WDHD1: variants seen among roughly 807,000 people sequenced by gnomAD.
The protein encoded by WDHD1 is WD repeat and HMG-box DNA-binding protein 1.
A neutral mutation model predicts 135.4 loss-of-function variants in WDHD1; 111 were observed. The observed-to-expected ratio is 0.82, with a 90% confidence interval of 0.70 to 0.96. The LOEUF (loss-of-function observed/expected upper bound fraction) is 0.96. Ranked by LOEUF, WDHD1 falls within the 40% of genes least tolerant of loss-of-function variation. The pLI, the probability that WDHD1 is intolerant of heterozygous loss-of-function variation, is 0.00. For synonymous variants in WDHD1, 434 were observed against 439.0 expected, an observed-to-expected ratio of 0.99 and a Z score of 0.14; for missense variants, 1,351 against 1,336.3, an observed-to-expected ratio of 1.01 and a Z score of -0.17.
chr14:55,015,977 G>T (rs958573099), intron 2 of WDHD1, among the ~76,000 whole-genome samples: 2 of 152,220 alleles, frequency 1.3e-5, no homozygotes, highest in Admixed American at 6.5e-5. Flanking sequence ...GGGATTATAG[G>T]CATGAGCCAC....
chr14:55,026,365 G>A (rs898913344), intron 2 of WDHD1, among the ~76,000 whole-genome samples: 1 of 152,182 alleles, frequency 6.6e-6, no homozygotes, highest in African/African-American at 2.4e-5. Context: ...CTAAAGGCAT[G>A]GAAGGATATC....
At chr14:54,960,053 C>G (rs1595068045) in intron 21 of WDHD1, among the ~76,000 whole-genome samples, 1 of 152,170 alleles carries the variant, frequency 6.6e-6, no homozygotes, top group South Asian at 2.1e-4. Context: ...CTCCTACACT[C>G]TCTTCATCAT....
intron 7 of WDHD1, among the ~76,000 whole-genome samples, 189 bp downstream of exon 7, chr14:55,007,091 G>C (rs1443910580): frequency 2.6e-5 from 4 of 152,068 alleles, no homozygotes; most frequent in Non-Finnish European, 1.5e-5. Flanking sequence ...AGCTGGGCAT[G>C]GCAGTGTGCA....
intron 2 of WDHD1, among the ~76,000 whole-genome samples, chr14:55,016,418 G>A (rs546779380): frequency 2.6e-5 from 4 of 152,212 alleles, no homozygotes; most frequent in Admixed American, 1.3e-4. Context: ...TTTACCACGG[G>A]GCTACAGTCA....
At chr14:54,978,611 T>C (rs1229156750) in intron 16 of WDHD1, among the ~76,000 whole-genome samples, 1 of 151,834 alleles carries the variant, frequency 6.6e-6, no homozygotes, top group African/African-American at 2.4e-5. Context: ...TTAATGAATA[T>C]ACTTCTTCTG....
chr14:54,949,520 G>A (rs547359479), intron 24 of WDHD1, among the ~76,000 whole-genome samples: 23 of 152,280 alleles, frequency 1.5e-4, no homozygotes, highest in Admixed American at 1.0e-3. Flanking sequence ...CCAAATCTAC[G>A]TTTGTTTGGT....
intron 18 of WDHD1, among the ~76,000 whole-genome samples, chr14:54,966,228 C>A (rs2041340464): frequency 6.7e-6 from 1 of 148,562 alleles, no homozygotes. Context: ...ATCCTAGCTA[C>A]TCGGGAGGCT....
intron 10 of WDHD1, 129 bp downstream of exon 10, chr14:55,000,374 C>T: frequency 1.1e-6 from 1 of 943,938 alleles, no homozygotes; most frequent in African/African-American, 1.7e-5. Flanking sequence ...CTATAGATTA[C>T]TACTCAGCAT....
At chr14:54,984,124 T>C (rs1366545751) in intron 15 of WDHD1, among the ~76,000 whole-genome samples, 3 of 152,238 alleles carry the variant, frequency 2.0e-5, no homozygotes. Context: ...TATTGATTTG[T>C]ATCACCTCCT....
At position 54,941,684 on chromosome 14, in the gene WDHD1, C is replaced by G. The variant is rs1402383805; in HGVS notation, c.3196G>C (p.Ala1066Pro). The part of the protein sequence containing the change: ...VLSTEERKVW[A>P]NKAKGETASE... ...GCCGTTTCTCCTTTGGCTTTGTTAG[C>G]CCACACCTTTGTAAAATGGCAGGAG... Residue 1066 changes from alanine to proline, a missense_variant, in exon 26 of 26, where the codon GCT becomes CCT. Coordinates refer to ENST00000360586, the MANE Select transcript of WDHD1 (RefSeq NM_007086.4). 1.2e-6 allele frequency: 2 copies of G among 1,608,708 alleles called. No homozygotes were observed. The highest frequency in any genetic ancestry group is 2.2e-5 in the East Asian group (1 of 44,810).
chr14:54,987,065 C>T (rs1290121762), intron 14 of WDHD1, 81 bp downstream of exon 14: 1 of 1,532,726 alleles, frequency 6.5e-7, no homozygotes, highest in South Asian at 1.2e-5. Flanking sequence ...TAATCCAAGA[C>T]AAAAAGAGTA....
chr14:55,025,357 C>T (rs1157921841), intron 2 of WDHD1, among the ~76,000 whole-genome samples: 1 of 151,328 alleles, frequency 6.6e-6, no homozygotes, highest in Non-Finnish European at 1.5e-5. Context: ...CAGAGGCTGG[C>T]GGGATCCTCC....
At chr14:54,982,799 T>G (rs2041639112) in intron 15 of WDHD1, among the ~76,000 whole-genome samples, 1 of 152,152 alleles carries the variant, frequency 6.6e-6, no homozygotes, top group South Asian at 2.1e-4. Flanking sequence ...GCAATGTAAA[T>G]GAAGAACATG....
chr14:54,948,019 C>T (rs556617396), intron 24 of WDHD1, among the ~76,000 whole-genome samples: 16 of 151,808 alleles, frequency 1.1e-4, no homozygotes, highest in African/African-American at 3.6e-4. Context: ...AGTTTGAGAC[C>T]AGCCTGACCA....
Position 55,027,055 on chromosome 14 carries a change from G to A in WDHD1, c.-44C>T. On this transcript the variant is annotated 5_prime_UTR_variant, in exon 1 of 26. Transcript: ENST00000360586. ...GGGTGACCGAGCCTCCGCCACTGAG[G>A]ATCCACAAGAGCTGCTTCCCGCGCT... 1 of 463,622 alleles carries A rather than the reference G, an allele frequency of 2.2e-6. No individual in the cohort carries two copies. Among genetic ancestry groups the A allele is most frequent in the South Asian group, 2.4e-5 (1 of 40,842 alleles). The allele number at this position is 463,622 out of a possible 1,614,324, so 28.7% of individuals were successfully genotyped here.
At chr14:54,985,798 C>T (rs2041686178) in intron 14 of WDHD1, among the ~76,000 whole-genome samples, 1 of 152,086 alleles carries the variant, frequency 6.6e-6, no homozygotes, top group African/African-American at 2.4e-5. Flanking sequence ...ATAGAATTGA[C>T]ATGATGATAT....
chr14:55,017,439 T>G (rs2042279385), intron 2 of WDHD1, among the ~76,000 whole-genome samples: 1 of 151,612 alleles, frequency 6.6e-6, no homozygotes, highest in Non-Finnish European at 1.5e-5. Flanking sequence ...ACTTCCCAGG[T>G]TCAAGTGATT....
chr14:55,026,002 C>T (rs573613596), intron 2 of WDHD1, among the ~76,000 whole-genome samples: 1 of 152,326 alleles, frequency 6.6e-6, no homozygotes, highest in South Asian at 2.1e-4. Context: ...TATCACTGCA[C>T]ATATTACTTG....
chr14:54,996,467 G>A (rs116867150), intron 10 of WDHD1, among the ~76,000 whole-genome samples: 55 of 152,198 alleles, frequency 3.6e-4, no homozygotes, highest in Non-Finnish European at 6.9e-4. Context: ...AGGCATGGTG[G>A]CATGTGTCTA....
Sources: gnomAD v4.1 joint callset for allele counts (sites outside exome capture counted in the v4.1 genomes callset) on GRCh38, gnomAD v4.1.1 for gene constraint, MANE v1.5 for transcripts, NCBI Gene and HGNC (gene_info 2026-07-23, HGNC 2026-07-21) for gene names.